Variants in MRPL1 observed in about 807,000 individuals in gnomAD.
The protein encoded by MRPL1 is large ribosomal subunit protein uL1m.
A neutral mutation model predicts 38.0 loss-of-function variants in MRPL1; 28 were observed. The observed-to-expected ratio is 0.74, with a 90% CI of 0.55 to 1.01. MRPL1 has a LOEUF of 1.01. Among genes scored for constraint, MRPL1 ranks in the 50% least tolerant of loss-of-function variants. The probability of loss-of-function intolerance (pLI) is 0.00; values close to 1 mark genes in which losing one functional copy is unlikely to be tolerated. For missense variants in MRPL1, 358 were observed against 389.8 expected (o/e 0.92, Z 0.69); for synonymous variants, 123 against 126.7 (o/e 0.97, Z 0.20).
chr4:77,880,968 C>T (rs1053325478), intron 2 of MRPL1, among the ~76,000 whole-genome samples: 2 of 152,210 alleles, frequency 1.3e-5, no homozygotes, highest in South Asian at 4.1e-4. Context: ...AGCTCTGTTC[C>T]ACATGTTTCT....
At chr4:77,905,464 T>C (rs1180169799) in intron 6 of MRPL1, among the ~76,000 whole-genome samples, 1 of 117,882 alleles carries the variant, frequency 8.5e-6, no homozygotes, top group Non-Finnish European at 1.6e-5. Context: ...ACCACTGTAC[T>C]CCAGCCTGGG....
chr4:77,952,781 C>T lies in MRPL1; in HGVS notation c.*174C>T. On this transcript the variant is annotated 3_prime_UTR_variant, in exon 9 of 9. Transcript: ENST00000315567. ...TAAGAAAATAAAATTTTCTCTTTGT[C>T]TGAACCTGCCTTTTAGACCCTGTGA... is the stretch of plus-strand genomic sequence containing the variant. 3 of 525,910 alleles carry T rather than the reference C, an allele frequency of 5.7e-6. No homozygotes were observed. The highest frequency in any genetic ancestry group is 3.6e-5 in the Admixed American group (1 of 27,976). The allele number at this position is 525,910 out of a possible 1,614,324, so 32.6% of individuals were successfully genotyped here. A position where few individuals can be genotyped will look rare whatever the true frequency, so the allele number is the denominator to read the frequency against.
At chr4:77,889,343 A>G (rs1735753655) in intron 5 of MRPL1, among the ~76,000 whole-genome samples, 2 of 152,246 alleles carry the variant, frequency 1.3e-5, no homozygotes, top group African/African-American at 4.8e-5. Flanking sequence ...AAAACCGCTC[A>G]ACTACATGGA....
intron 3 of MRPL1, among the ~76,000 whole-genome samples, chr4:77,883,944 C>G (rs1476543652): frequency 2.6e-5 from 4 of 152,094 alleles, no homozygotes; most frequent in African/African-American, 9.7e-5. Context: ...TGTACTTTAG[C>G]ATGAAAAATA....
intron 7 of MRPL1, among the ~76,000 whole-genome samples, chr4:77,937,553 A>G (rs1346382190): frequency 6.6e-6 from 1 of 152,186 alleles, no homozygotes; most frequent in Non-Finnish European, 1.5e-5. Flanking sequence ...GATTTCCTTC[A>G]TATAGCACAT....
intron 7 of MRPL1, among the ~76,000 whole-genome samples, chr4:77,933,456 G>C (rs1328070343): frequency 6.6e-6 from 1 of 152,184 alleles, no homozygotes. Context: ...AAGTACGGGG[G>C]AGATCAAGCA....
intron 6 of MRPL1, among the ~76,000 whole-genome samples, chr4:77,898,902 G>A (rs1277714256): frequency 6.6e-6 from 1 of 151,658 alleles, no homozygotes; most frequent in Non-Finnish European, 1.5e-5. Context: ...GAACAAGACA[G>A]ACAAAGTTCT....
intron 2 of MRPL1, among the ~76,000 whole-genome samples, chr4:77,874,401 C>A (rs553102467): frequency 6.6e-6 from 1 of 152,256 alleles, no homozygotes; most frequent in Non-Finnish European, 1.5e-5. Context: ...TGTAACTATT[C>A]CCCTATTGAG....
intron 6 of MRPL1, 62 bp from the exon 7 acceptor site, chr4:77,909,204 T>C (rs995495081): frequency 2.0e-6 from 2 of 988,324 alleles, no homozygotes; most frequent in Non-Finnish European, 3.2e-6. Context: ...GTGTTTCTTT[T>C]ATTCAGTAAT....
At chr4:77,877,428 T>G in intron 2 of MRPL1, among the ~76,000 whole-genome samples, 1 of 147,014 alleles carries the variant, frequency 6.8e-6, no homozygotes, top group Non-Finnish European at 1.5e-5. Flanking sequence ...GGGGCTGGGT[T>G]GCTGGAGGGT....
At chr4:77,951,464 T>C (rs909304049) in intron 8 of MRPL1, among the ~76,000 whole-genome samples, 3 of 152,216 alleles carry the variant, frequency 2.0e-5, no homozygotes, top group Non-Finnish European at 4.4e-5. Flanking sequence ...TACAACTAGT[T>C]TGTCTTCTAT....
intron 6 of MRPL1, among the ~76,000 whole-genome samples, chr4:77,898,980 T>C (rs1017548706): frequency 6.7e-6 from 1 of 149,580 alleles, no homozygotes; most frequent in African/African-American, 2.5e-5. Context: ...TACAGTTACT[T>C]ATGCACAGAT....
intron 7 of MRPL1, among the ~76,000 whole-genome samples, chr4:77,920,682 G>C (rs577272656): frequency 1.3e-5 from 2 of 152,240 alleles, no homozygotes; most frequent in Admixed American, 1.3e-4. Context: ...TTTATGTCCC[G>C]AACAAATTCT....
chr4:77,945,677 G>A (rs1020447411), intron 7 of MRPL1, among the ~76,000 whole-genome samples: 1 of 152,092 alleles, frequency 6.6e-6, no homozygotes, highest in Admixed American at 6.5e-5. Context: ...TTACAGCTGG[G>A]TCTCTGGGGG....
At chr4:77,952,445 A>G in intron 8 of MRPL1, 44 bp from the exon 9 acceptor site, 4 of 1,325,012 alleles carry the variant, frequency 3.0e-6, no homozygotes, top group Non-Finnish European at 4.4e-6. Context: ...ATGAGGTGGT[A>G]TTGCGATATA....
intron 7 of MRPL1, among the ~76,000 whole-genome samples, chr4:77,912,285 T>C (rs896942609): frequency 1.2e-4 from 19 of 152,134 alleles, no homozygotes; most frequent in Admixed American, 5.2e-4. Context: ...GTCAACTAGA[T>C]TAGAAAGGAA....
intron 7 of MRPL1, among the ~76,000 whole-genome samples, chr4:77,939,165 T>C (rs192599501): frequency 3.8e-4 from 58 of 152,288 alleles, no homozygotes; most frequent in Non-Finnish European, 7.8e-4. Flanking sequence ...GAACATACGA[T>C]GTTTGGTTTT....
At chr4:77,867,120 A>G (rs78285517) in intron 1 of MRPL1, among the ~76,000 whole-genome samples, 2,166 of 152,088 alleles carry the variant, frequency 0.014, 56 homozygotes, top group African/African-American at 0.05. Context: ...CACTGATACA[A>G]TCCCTTTTAT....
At chr4:77,905,053 G>A (rs1245571686) in intron 6 of MRPL1, among the ~76,000 whole-genome samples, 2 of 152,070 alleles carry the variant, frequency 1.3e-5, no homozygotes, top group Non-Finnish European at 2.9e-5. Flanking sequence ...AAAATGAAAA[G>A]GCAAAGTCAT....
Sources: allele counts gnomAD v4.1 joint callset (sites outside exome capture counted in the v4.1 genomes callset), GRCh38; gene constraint gnomAD v4.1.1; transcripts MANE v1.5; gene names NCBI Gene and HGNC (gene_info 2026-07-23, HGNC 2026-07-21).